Variants in CHD1L observed in about 807,000 individuals in gnomAD.
The protein encoded by CHD1L is chromodomain helicase DNA binding protein 1 like, also known as ATP-dependent chromatin remodeler CHD1L.
A neutral mutation model predicts 115.9 loss-of-function variants in CHD1L; 118 were observed. That is an observed-to-expected ratio of 1.02 (90% confidence interval 0.88 to 1.19). CHD1L has a LOEUF of 1.19. CHD1L is among the 50% of genes most tolerant of loss of function. The probability of loss-of-function intolerance (pLI) is 0.00; values close to 1 mark genes in which losing one functional copy is unlikely to be tolerated. For synonymous variants in CHD1L, 411 were observed against 387.1 expected (o/e 1.06, Z -0.72); for missense variants, 1,179 against 1,065.3 (o/e 1.11, Z -1.49).
chr1:147,280,107 A>G lies in CHD1L; in HGVS notation c.1621A>G (p.Ile541Val). Reference sequence around the variant, plus strand: ...CATGGATGAAATAGACCTGGAGTCCATCCTGGGAGAAACAAAAGATGGCCA... The same window carrying G: ...CATGGATGAAATAGACCTGGAGTCCGTCCTGGGAGAAACAAAAGATGGCCA... The part of the protein sequence containing the change: ...STMDEIDLES[I>V]LGETKDGQWV... Residue 541 changes from isoleucine (I) to valine (V), a missense_variant, in exon 15 of 23, where the codon ATC (isoleucine) becomes GTC (valine). Physicochemically the swap from Ile to Val is conservative, Grantham distance 29 (BLOSUM62 3). Transcript: ENST00000369258. 1.9e-6 allele frequency: 3 copies of G among 1,613,982 alleles called. No individual in the cohort carries two copies.
chr1:147,280,406 A>G (rs782549234), intron 15 of CHD1L, among the ~76,000 whole-genome samples: 1 of 152,214 alleles, frequency 6.6e-6, no homozygotes, highest in African/African-American at 2.4e-5. Flanking sequence ...TGAACTGTGA[A>G]CCAAAATCAT....
At chr1:147,287,965 A>C (rs747378436) in intron 19 of CHD1L, among the ~76,000 whole-genome samples, 1 of 152,004 alleles carries the variant, frequency 6.6e-6, no homozygotes, top group African/African-American at 2.4e-5. Context: ...TGCCTACTTC[A>C]TAGAACTGTA....
chr1:147,235,087 C>CTGTGTGTGTGTGTG, the CHD1L span, among the ~76,000 whole-genome samples: 1,994 of 146,114 alleles, frequency 0.014, 31 homozygotes, highest in East Asian at 0.041. Context: ...ATATCCCACA[C>CTGTGTGTGTGTGTG]TGTGTGTGTG....
intron 8 of CHD1L, among the ~76,000 whole-genome samples, chr1:147,266,436 G>A (rs1673935743): frequency 6.6e-6 from 1 of 150,420 alleles, no homozygotes; most frequent in Admixed American, 6.7e-5. Flanking sequence ...TTTCAGTTCT[G>A]CACTGAACTG....
At chr1:147,230,793 G>T in the CHD1L span, among the ~76,000 whole-genome samples, 2 of 151,264 alleles carry the variant, frequency 1.3e-5, no homozygotes, top group East Asian at 4.0e-4. Context: ...TAGTTTATTT[G>T]TGTAGAGGTG....
In CHD1L at chr1:147,264,496, C is replaced by T. The variant is rs141884816; in HGVS notation, c.651C>T (p.Leu217=). The change falls in exon 7 of 23, where the codon CTC becomes CTT. Residue 217 remains leucine, a synonymous_variant. Transcript: ENST00000369258. ...GCCTCCAAGAGCTCTACTCCCTCCT[C>T]AGTTTTGTGGAGCCTGATCTCTTTT... ...QNSLQELYSL[L]SFVEPDLFSK... is the part of the protein sequence containing the mutation. The T allele has an allele frequency of 3.5e-5, 56 of 1,614,026 alleles. No individual in the cohort carries two copies. The African/African-American group carries it at 6.3e-4, about 18-fold the overall frequency.
intron 1 of CHD1L, 21 bp downstream of exon 1, chr1:147,242,851 C>T: frequency 7.9e-7 from 1 of 1,270,292 alleles, no homozygotes. Flanking sequence ...TCCGGGCGGA[C>T]TTCGGCCAGG....
intron 17 of CHD1L, 131 bp downstream of exon 17, chr1:147,285,618 C>A: frequency 9.5e-7 from 1 of 1,051,754 alleles, no homozygotes; most frequent in Non-Finnish European, 1.4e-6. Context: ...TAACAGAATA[C>A]TTTCTGAAAA....
At chr1:147,291,995 G>A (rs1180318818) in intron 20 of CHD1L, among the ~76,000 whole-genome samples, 2 of 151,876 alleles carry the variant, frequency 1.3e-5, no homozygotes, top group South Asian at 2.1e-4. Context: ...TATGAATTTG[G>A]GGGGACACAG....
the CHD1L span, chr1:147,215,849 C>T: frequency 6.2e-7 from 1 of 1,613,730 alleles, no homozygotes; most frequent in Middle Eastern, 1.7e-4. Flanking sequence ...GGATAATGAT[C>T]TGGGATTGGA....
upstream of CHD1L, among the ~76,000 whole-genome samples, chr1:147,238,366 C>T (rs1447465470): frequency 6.6e-6 from 1 of 152,180 alleles, no homozygotes; most frequent in Non-Finnish European, 1.5e-5. Flanking sequence ...CCTAACAGAG[C>T]AAGGATACAA....
intron 3 of CHD1L, 25 bp downstream of exon 3, chr1:147,255,001 T>G (rs1405309273): frequency 6.7e-7 from 1 of 1,495,180 alleles, no homozygotes; most frequent in Non-Finnish European, 9.0e-7. Flanking sequence ...TAGCTGAAAT[T>G]TTATTGTTTA....
At chr1:147,251,621 C>T (rs1034297901) in intron 1 of CHD1L, among the ~76,000 whole-genome samples, 17 of 152,156 alleles carry the variant, frequency 1.1e-4, no homozygotes, top group African/African-American at 3.9e-4. Context: ...CTCCGCCTCC[C>T]GGGTTCAAGC....
the CHD1L span, among the ~76,000 whole-genome samples, chr1:147,180,276 C>T: frequency 6.6e-6 from 1 of 151,910 alleles, no homozygotes; most frequent in Non-Finnish European, 1.5e-5. Flanking sequence ...CTGAAAAGAA[C>T]TTTTTTTGTT....
the CHD1L span, chr1:147,212,297 C>T: frequency 5.8e-4 from 737 of 1,273,040 alleles, 7 homozygotes; most frequent in African/African-American, 8.6e-3. Flanking sequence ...GGGCTATGTG[C>T]AGGTATCCCT....
the CHD1L span, among the ~76,000 whole-genome samples, chr1:147,199,730 A>G: frequency 6.6e-6 from 1 of 152,204 alleles, no homozygotes; most frequent in East Asian, 1.9e-4. Context: ...GACTACTTGT[A>G]TAGTTCTCTC....
At chr1:147,280,492 C>T (rs974552441) in intron 15 of CHD1L, among the ~76,000 whole-genome samples, 1 of 152,180 alleles carries the variant, frequency 6.6e-6, no homozygotes, top group Non-Finnish European at 1.5e-5. Flanking sequence ...CAAACATCTT[C>T]TTCTTTATTA....
chr1:147,176,262 T>A, the CHD1L span: 1 of 152,162 alleles, frequency 6.6e-6, no homozygotes, highest in Non-Finnish European at 1.5e-5. Flanking sequence ...TAATAGTGAT[T>A]CTGCTCACCT....
At chr1:147,232,302 A>G in the CHD1L span, among the ~76,000 whole-genome samples, 1 of 152,196 alleles carries the variant, frequency 6.6e-6, no homozygotes, top group Non-Finnish European at 1.5e-5. Context: ...CTGTTGGGAA[A>G]AAGCTGAGTG....
Sources: gnomAD v4.1 joint callset for allele counts (sites outside exome capture counted in the v4.1 genomes callset) on GRCh38, gnomAD v4.1.1 for gene constraint, MANE v1.5 for transcripts, NCBI Gene and HGNC (gene_info 2026-07-23, HGNC 2026-07-21) for gene names.